The following DCTN1 variants were observed in gnomAD, a reference collection of about 807,000 sequenced individuals.
DCTN1 encodes the protein 150 kDa dynein-associated polypeptide.
A neutral mutation model predicts 161.2 loss-of-function variants in DCTN1; 61 were observed. The observed-to-expected ratio is 0.38, with a 90% CI of 0.31 to 0.47. The LOEUF (loss-of-function observed/expected upper bound fraction) is 0.47, where lower values mean the gene tolerates loss of function less well. Ranked by LOEUF, DCTN1 falls within the 20% of genes least tolerant of loss-of-function variation. The pLI is 0.99. For missense variants in DCTN1, 1,404 were observed against 1,623.7 expected (o/e 0.86, Z 2.33); for synonymous variants, 653 against 632.4 (o/e 1.03, Z -0.49).
chr2:74,364,772 T>G, intron 26 of DCTN1: 6 of 428,446 alleles, frequency 1.4e-5, no homozygotes, highest in East Asian at 5.2e-5. Flanking sequence ...CTCTGGGATA[T>G]AGGGCTGGGC....
intron 26 of DCTN1, 110 bp downstream of exon 26, chr2:74,364,965 T>C (rs947822350): frequency 2.2e-6 from 3 of 1,379,428 alleles, no homozygotes; most frequent in East Asian, 2.3e-5. Context: ...AGCATGTTCC[T>C]GGCTGAATAC....
chr2:74,368,905 C>T lies in DCTN1; in HGVS notation c.1702-25G>A, dbSNP rs1205328222. ...CCTGTGAGGTGAACAGGGAGGAGGACTCTTAGCCAGAGCTGAAAGAGCCCC... is the reference window on the plus strand; with the variant it reads ...CCTGTGAGGTGAACAGGGAGGAGGATTCTTAGCCAGAGCTGAAAGAGCCCC... On this transcript the variant is annotated intron_variant, in intron 15 of 31. Transcript: ENST00000628224. 2.5e-6 allele frequency: 4 copies of T among 1,613,852 alleles called. No individual in the cohort carries two copies. In the African/African-American group the frequency reaches 5.3e-5, roughly 22 times the overall value.
At chr2:74,363,777 T>C in intron 26 of DCTN1, 149 bp from the exon 27 acceptor site, 1 of 1,045,814 alleles carries the variant, frequency 9.6e-7, no homozygotes, top group Non-Finnish European at 1.5e-6. Context: ...AACAAGACTC[T>C]CTGCCACCTA....
chr2:74,368,997 A>G (rs1674630944), intron 15 of DCTN1, 101 bp downstream of exon 15: 9 of 1,563,690 alleles, frequency 5.8e-6, no homozygotes, highest in Middle Eastern at 2.1e-4. Context: ...GAGTCTTCCA[A>G]ACCACCACAC....
At chr2:74,391,790 G>C (rs1475186340) in intron 1 of DCTN1, 1 of 453,702 alleles carries the variant, frequency 2.2e-6, no homozygotes, top group South Asian at 1.6e-5. Flanking sequence ...TCGCGCCTCC[G>C]TACCTGCACT....
upstream of DCTN1, among the ~76,000 whole-genome samples, chr2:74,381,770 T>C (rs1675520344): frequency 6.6e-6 from 1 of 152,216 alleles, no homozygotes; most frequent in African/African-American, 2.4e-5. Flanking sequence ...TCATCCGTCA[T>C]AGGGAAGTAA....
In DCTN1 at chr2:74,365,144, G is replaced by T; in HGVS notation, c.3127C>A (p.Arg1043Ser). Residue 1043 changes from arginine to serine, a missense_variant, in exon 26 of 32, where the codon CGC (arginine) becomes AGC (serine). Arg to Ser is a moderately radical substitution (Grantham distance 110). Transcript: ENST00000628224. ...GGGCCCCGGAGTCCCTCAATCGTGCGTTTGGACTGGCTGTTCAGACGCTGC... is the reference window on the plus strand; with the variant it reads ...GGGCCCCGGAGTCCCTCAATCGTGCTTTTGGACTGGCTGTTCAGACGCTGC... ...LKQRLNSQSKRTIEGLRGPPP... is the reference protein window; with the variant it reads ...LKQRLNSQSKSTIEGLRGPPP... 1.9e-6 allele frequency: 3 copies of T among 1,614,156 alleles called. No individual in the cohort carries two copies. The highest frequency in any genetic ancestry group is 2.5e-6 in the Non-Finnish European group (3 of 1,180,040).
Position 74,370,023 on chromosome 2 carries a change from T to A in DCTN1, c.1334A>T (p.Asp445Val), listed in dbSNP as rs750513586. The stretch of plus-strand genomic sequence containing the variant: ...TTTCTCTTCCAGATTCAGGTTCCGA[T>A]CTGTCAGCATCTCCACCATCTCCTC... ...GAEEMVEMLT[D>V]RNLNLEEKVR... Residue 445 changes from aspartate to valine, a missense_variant, in exon 13 of 32, where the codon GAT (aspartate) becomes GTT (valine). Physicochemically the swap from Asp to Val is radical, Grantham distance 152. This residue lies in a region of DCTN1 where 278 missense variants were observed against 363.8 expected (regional missense o/e 0.76). Transcript: ENST00000628224. This position sits in a 1 kb window ranked among gnomAD's most constrained non-coding sequence, Gnocchi z 4.4. 2 of 1,614,046 alleles carry A rather than the reference T, an allele frequency of 1.2e-6. No individual in the cohort carries two copies. The highest frequency in any genetic ancestry group is 1.7e-6 in the Non-Finnish European group (2 of 1,180,048).
intron 5 of DCTN1, 139 bp downstream of exon 5, chr2:74,376,603 A>T (rs973942486): frequency 4.3e-5 from 35 of 813,832 alleles, no homozygotes; most frequent in Non-Finnish European, 6.9e-5. Context: ...GAACTCTGAA[A>T]GCCAAGGCCA....
At chr2:74,367,529 G>A in intron 18 of DCTN1, 109 bp from the exon 19 acceptor site, 1 of 1,494,236 alleles carries the variant, frequency 6.7e-7, no homozygotes, top group Non-Finnish European at 9.2e-7. Context: ...AGGTACAAGA[G>A]AATCCAAAGC....
chr2:74,373,200 C>G (rs960714094), intron 6 of DCTN1: 9 of 567,638 alleles, frequency 1.6e-5, no homozygotes, highest in South Asian at 5.8e-5. Context: ...GGCCTCACCC[C>G]TTCAGACACC....
At chr2:74,363,929 C>T in intron 26 of DCTN1, 2 of 480,714 alleles carry the variant, frequency 4.2e-6, no homozygotes, top group East Asian at 3.9e-5. Context: ...GTTCCTGCCT[C>T]CCTGTCTCAG....
intron 24 of DCTN1, 99 bp from the exon 25 acceptor site, chr2:74,365,756 C>T (rs1674360248): frequency 1.2e-6 from 2 of 1,611,082 alleles, no homozygotes; most frequent in South Asian, 2.2e-5. Flanking sequence ...GAGGGCTCAC[C>T]ACAGCTCCCA....
At chr2:74,386,323 C>G (rs893526867) in intron 1 of DCTN1, among the ~76,000 whole-genome samples, 4 of 152,226 alleles carry the variant, frequency 2.6e-5, no homozygotes, top group Non-Finnish European at 4.4e-5. Context: ...ACAAGCGCTA[C>G]TAATCCTCTA....
chr2:74,372,887 G>A, intron 7 of DCTN1, 41 bp downstream of exon 7: 3 of 1,609,164 alleles, frequency 1.9e-6, no homozygotes, highest in Non-Finnish European at 1.7e-6. Context: ...AAACGTGTGT[G>A]TACACTCAGC....
Position 74,367,416 on chromosome 2 carries a change from A to C in DCTN1, c.2189T>G (p.Leu730Arg), listed in dbSNP as rs1674502806. 4 of 1,614,006 alleles carry C rather than the reference A, an allele frequency of 2.5e-6. No individual in the cohort carries two copies. Among genetic ancestry groups the C allele is most frequent in the Non-Finnish European group, 3.4e-6 (4 of 1,180,018 alleles). Residue 730 changes from leucine to arginine, a missense_variant, in exon 19 of 32, where the codon CTG becomes CGG. This residue lies in a region of DCTN1 where 475 missense variants were observed against 489.8 expected (regional missense o/e 0.97). Coordinates refer to ENST00000628224, the MANE Select transcript of DCTN1 (RefSeq NM_004082.5). ...CTGTTCGGCAAGGTGGATGCTGTAC[A>C]GATGCTGAGGAGAGATAACAGACAG... is the stretch of plus-strand genomic sequence containing the variant. The part of the protein sequence containing the change: ...LTKAIKYYQH[L>R]YSIHLAEQPE...
chr2:74,363,028 G>A lies in DCTN1; in HGVS notation c.3495C>T (p.His1165=). 6.2e-7 allele frequency: 1 copy of A among 1,613,922 alleles called. No homozygotes were observed. The highest frequency in any genetic ancestry group is 2.2e-5 in the East Asian group (1 of 44,884). The change falls in exon 29 of 32, where the codon CAC becomes CAT. Residue 1165 remains histidine (H), a synonymous_variant. Coordinates refer to ENST00000628224, the MANE Select transcript of DCTN1 (RefSeq NM_004082.5). ...LLETLNQLST[H]THVVDITRTS... is the part of the protein sequence containing the mutation. The stretch of plus-strand genomic sequence containing the variant: ...TGCGAGTGATGTCTACTACGTGCGT[G>A]TGTGTGCTCAATTGATTCAATGTCT...
Position 74,376,835 on chromosome 2 carries a change from C to T in DCTN1, c.394-73G>A, listed in dbSNP as rs1003597784. The T allele has an allele frequency of 6.9e-6, 10 of 1,448,280 alleles. No individual in the cohort carries two copies. In the East Asian group the frequency reaches 1.9e-4, roughly 27 times the overall value. 89.7% of individuals were successfully genotyped at this position (1,448,280 alleles called of 1,614,324 possible). ...GCATAGGTGTTAAGACCAACTCGGG[C>T]TTACACAGGTTAGACGCGGGTAGGG... is the stretch of plus-strand genomic sequence containing the variant. On this transcript the variant is annotated intron_variant, in intron 4 of 31. Coordinates refer to ENST00000628224, the MANE Select transcript of DCTN1 (RefSeq NM_004082.5).
chr2:74,363,632 TGCTCGGGATA>T lies in DCTN1; in HGVS notation c.3197-14_3197-5del. On this transcript the variant is annotated splice_region_variant and splice_polypyrimidine_tract_variant and intron_variant, in intron 26 of 31. Transcript: ENST00000628224. ...TCTCTACCTCGCTGCTGTTCTTCTGTGCTCGGGATAGCCCATGGGGGAGCAGGAAAAGAGG... is the reference window on the plus strand; with the variant it reads ...TCTCTACCTCGCTGCTGTTCTTCTGTGCCCATGGGGGAGCAGGAAAAGAGG... 1 of 1,613,726 alleles carries T rather than the reference TGCTCGGGATA, an allele frequency of 6.2e-7. No homozygotes were observed. The highest frequency in any genetic ancestry group is 2.2e-5 in the East Asian group (1 of 44,884).
Sources: allele counts gnomAD v4.1 joint callset (sites outside exome capture counted in the v4.1 genomes callset), GRCh38; gene constraint gnomAD v4.1.1; regional missense constraint gnomAD v4.1.1; non-coding constraint Gnocchi (gnomAD v3.1); transcripts MANE v1.5; gene names NCBI Gene and HGNC (gene_info 2026-07-23, HGNC 2026-07-21).